The following WWOX variants were observed in gnomAD, a reference collection of about 807,000 sequenced individuals.
The protein encoded by WWOX is WW domain containing oxidoreductase, also known as WW domain-containing oxidoreductase.
Under a neutral mutation model 46.2 loss-of-function variants are expected in WWOX, and 69 were observed. That is an observed-to-expected ratio of 1.49 (90% CI 1.23 to 1.82). The LOEUF is 1.82. WWOX is among the 40% of genes most tolerant of loss of function. The pLI is 0.00. For missense variants in WWOX, 919 were observed against 542.6 expected (o/e 1.69, Z -6.89); for synonymous variants, 359 against 202.6 (o/e 1.77, Z -6.56).
chr16:78,313,346 C>A (rs1012096198), intron 5 of WWOX, among the ~76,000 whole-genome samples: 11 of 152,108 alleles, frequency 7.2e-5, no homozygotes, highest in Admixed American at 6.6e-5. Flanking sequence ...AGCAAGTGTT[C>A]AGAGATGTGT....
intron 8 of WWOX, among the ~76,000 whole-genome samples, chr16:78,985,516 C>T (rs1294855019): frequency 6.6e-6 from 1 of 152,166 alleles, no homozygotes; most frequent in African/African-American, 2.4e-5. Context: ...ACGCTGTAAT[C>T]CCAGAACGTT....
intron 8 of WWOX, chr16:79,089,944 C>T (rs997687855): frequency 2.0e-5 from 3 of 148,264 alleles, no homozygotes; most frequent in Non-Finnish European, 4.4e-5. Flanking sequence ...CAAGAGAAAC[C>T]GAAAGAGTGA....
intron 8 of WWOX, among the ~76,000 whole-genome samples, chr16:78,566,942 T>C (rs2044583715): frequency 6.6e-6 from 1 of 152,174 alleles, no homozygotes; most frequent in Non-Finnish European, 1.5e-5. Flanking sequence ...ATAGCAATCA[T>C]AGTAATTAAA....
At position 78,719,227 on chromosome 16, in the gene WWOX, A is replaced by G. The variant is rs60819397; in HGVS notation, c.1056+286475A>G. ...AACAGTCAGTGCAGGTAATGTGTTTAGCACACAGCCTGGCATACGAACTTC... is the reference window on the plus strand; with the variant it reads ...AACAGTCAGTGCAGGTAATGTGTTTGGCACACAGCCTGGCATACGAACTTC... On this transcript the variant is annotated intron_variant, in intron 8 of 8. Transcript: ENST00000566780. 7.3e-3 allele frequency among the ~76,000 whole-genome samples: 1,116 copies of G among 152,294 alleles called. 9 individuals are homozygous for G. The highest frequency in any genetic ancestry group is 0.026 in the African/African-American group (1,076 of 41,550).
At chr16:78,348,185 A>T (rs1328462093) in intron 5 of WWOX, among the ~76,000 whole-genome samples, 1 of 122,006 alleles carries the variant, frequency 8.2e-6, no homozygotes, top group South Asian at 2.4e-4. Flanking sequence ...CTTCTGGGCC[A>T]TAGCTGTGTT....
At chr16:79,064,281 A>G (rs2048404493) in intron 8 of WWOX, among the ~76,000 whole-genome samples, 1 of 152,262 alleles carries the variant, frequency 6.6e-6, no homozygotes, top group Admixed American at 6.5e-5. Context: ...ATTTAGAAAG[A>G]CAACCTGGTT....
chr16:79,061,316 G>A (rs530232188), intron 8 of WWOX, among the ~76,000 whole-genome samples: 3 of 152,016 alleles, frequency 2.0e-5, no homozygotes, highest in South Asian at 4.2e-4. Flanking sequence ...ATATTAGCCC[G>A]GCACTGACTG....
At chr16:78,784,416 A>C (rs34032343) in intron 8 of WWOX, among the ~76,000 whole-genome samples, 3,095 of 152,094 alleles carry the variant, frequency 0.02, 61 homozygotes, top group Middle Eastern at 0.037. Context: ...TTCTCCACCC[A>C]GGAGCCCTTA....
intron 5 of WWOX, among the ~76,000 whole-genome samples, chr16:78,324,912 C>T (rs964758332): frequency 3.3e-5 from 5 of 152,116 alleles, no homozygotes; most frequent in Non-Finnish European, 4.4e-5. Flanking sequence ...ATGGGTGAAT[C>T]GTATGGTATG....
At position 78,753,164 on chromosome 16, in the gene WWOX, G is replaced by C. The variant is rs554611794; in HGVS notation, c.1056+320412G>C. On this transcript the variant is annotated intron_variant, in intron 8 of 8. Coordinates refer to ENST00000566780, the MANE Select transcript of WWOX (RefSeq NM_016373.4). Reference sequence around the variant, plus strand: ...ACAAAAACAAAATTAGCCGGGCGTGGGGGCAGGCGCCTGTAATCCCAGCTA... The same window carrying C: ...ACAAAAACAAAATTAGCCGGGCGTGCGGGCAGGCGCCTGTAATCCCAGCTA... 8.5e-5 allele frequency among the ~76,000 whole-genome samples: 13 copies of C among 152,200 alleles called. No homozygotes were observed. The South Asian group carries it at 2.5e-3, about 29-fold the overall frequency.
At chr16:78,926,018 G>C (rs529433118) in intron 8 of WWOX, among the ~76,000 whole-genome samples, 16 of 152,314 alleles carry the variant, frequency 1.1e-4, no homozygotes, top group Non-Finnish European at 2.2e-4. Context: ...GTAAATTGTA[G>C]AGTCTATGAA....
intron 8 of WWOX, among the ~76,000 whole-genome samples, chr16:78,995,949 G>C (rs2046980132): frequency 6.6e-6 from 1 of 152,144 alleles, no homozygotes. Flanking sequence ...ATTTATTAAT[G>C]AGATTGCTGT....
intron 8 of WWOX, among the ~76,000 whole-genome samples, chr16:79,027,739 C>G (rs543122401): frequency 1.5e-5 from 2 of 133,844 alleles, no homozygotes; most frequent in East Asian, 2.1e-4. Flanking sequence ...TACAGAATGT[C>G]TCTTTTTTGA....
At chr16:78,876,148 T>G (rs2044229583) in intron 8 of WWOX, among the ~76,000 whole-genome samples, 1 of 152,190 alleles carries the variant, frequency 6.6e-6, no homozygotes, top group Non-Finnish European at 1.5e-5. Flanking sequence ...TACCTTATAA[T>G]CCTTTTATAA....
chr16:78,188,142 T>C (rs1460784216), intron 5 of WWOX, among the ~76,000 whole-genome samples: 6 of 152,166 alleles, frequency 3.9e-5, no homozygotes, highest in Non-Finnish European at 2.9e-5. Flanking sequence ...ATTAAATCAA[T>C]ACAGTTATAT....
chr16:78,579,256 G>C (rs1015642465), intron 8 of WWOX, among the ~76,000 whole-genome samples: 1 of 152,122 alleles, frequency 6.6e-6, no homozygotes, highest in Admixed American at 6.5e-5. Flanking sequence ...TCACAGTTTC[G>C]TCAAGGAGAT....
intron 8 of WWOX, among the ~76,000 whole-genome samples, chr16:78,795,292 A>G (rs746939613): frequency 6.6e-6 from 1 of 152,170 alleles, no homozygotes; most frequent in African/African-American, 2.4e-5. Flanking sequence ...TTTACTCAGG[A>G]TTTTAAGTAG....
intron 8 of WWOX, among the ~76,000 whole-genome samples, chr16:78,710,066 A>G (rs1344202808): frequency 1.3e-5 from 2 of 151,900 alleles, no homozygotes; most frequent in Non-Finnish European, 2.9e-5. Context: ...GGCCAGGAGC[A>G]GTTGTTTATT....
In WWOX at chr16:78,689,527, T is replaced by C. The variant is rs1411580156; in HGVS notation, c.1056+256775T>C. On this transcript the variant is annotated intron_variant, in intron 8 of 8. Transcript: ENST00000566780. ...TCCTTGCTGGATCTTCATAGTCCAG[T>C]CTTTGTAAGAGTCATTCTAAGTCAG... Among the ~76,000 whole-genome samples, 5 of 152,214 alleles carry C rather than the reference T, an allele frequency of 3.3e-5. No homozygotes were observed. In the East Asian group the frequency reaches 9.6e-4, roughly 29 times the overall value.
Sources: allele counts gnomAD v4.1 joint callset (sites outside exome capture counted in the v4.1 genomes callset), GRCh38; gene constraint gnomAD v4.1.1; transcripts MANE v1.5; gene names NCBI Gene and HGNC (gene_info 2026-07-23, HGNC 2026-07-21).